The following CD99L2 variants were observed in gnomAD, a reference collection of about 807,000 sequenced individuals.
CD99L2 encodes CD99 molecule like 2.
A neutral mutation model predicts 27.3 loss-of-function variants in CD99L2; 24 were observed. The observed-to-expected ratio is 0.88, with a 90% confidence interval of 0.64 to 1.24. The LOEUF is 1.24. CD99L2 is among the 50% of genes most tolerant of loss of function. CD99L2 has a pLI of 0.00. For synonymous variants in CD99L2, 97 were observed against 87.9 expected (o/e 1.10, Z -0.58); for missense variants, 255 against 221.6 (o/e 1.15, Z -0.96).
At chrX:150,771,463 C>T (rs2043453774) in intron 9 of CD99L2, among the ~76,000 whole-genome samples, 1 of 112,365 alleles carries the variant, frequency 8.9e-6, no homozygotes, top group African/African-American at 3.2e-5. Context: ...CTCGTGATCA[C>T]TGCTAGCTGC....
intron 1 of CD99L2, among the ~76,000 whole-genome samples, chrX:150,892,381 CG>C (rs1299173786): frequency 2.1e-4 from 23 of 107,677 alleles, no homozygotes; most frequent in African/African-American, 7.1e-4. Context: ...CCGAGGCAGG[CG>C]GATCACGAGG....
In CD99L2 at chrX:150,774,714, C is replaced by T. The variant is rs140822678; in HGVS notation, c.655+1460G>A. Reference sequence around the variant, plus strand: ...CCAGGAGGCTGATGCAAAACTTCCCCCGCCGCGCTAAATGCAACTCGACCC... The same window carrying T: ...CCAGGAGGCTGATGCAAAACTTCCCTCGCCGCGCTAAATGCAACTCGACCC... On this transcript the variant is annotated intron_variant, in intron 9 of 10. Coordinates refer to ENST00000370377, the MANE Select transcript of CD99L2 (RefSeq NM_031462.4). Among the ~76,000 whole-genome samples, 1,075 of 112,341 alleles carry T rather than the reference C, an allele frequency of 9.6e-3. 18 individuals are homozygous for T. The highest frequency in any genetic ancestry group is 0.033 in the African/African-American group (1,020 of 30,881).
At chrX:150,883,635 G>A (rs1557422549) in intron 1 of CD99L2, among the ~76,000 whole-genome samples, 1 of 111,150 alleles carries the variant, frequency 9.0e-6, no homozygotes, top group African/African-American at 3.3e-5. Flanking sequence ...TCTGGAAGAA[G>A]GCAAATTTAC....
intron 4 of CD99L2, among the ~76,000 whole-genome samples, chrX:150,812,916 G>A (rs1333137269): frequency 9.0e-6 from 1 of 111,596 alleles, no homozygotes; most frequent in Admixed American, 9.5e-5. Flanking sequence ...ACATGAAAAA[G>A]GCCAATTCCA....
intron 1 of CD99L2, among the ~76,000 whole-genome samples, chrX:150,832,422 G>A (rs2046457815): frequency 9.0e-6 from 1 of 111,667 alleles, no homozygotes; most frequent in Non-Finnish European, 1.9e-5. Flanking sequence ...TCAGGAGTTT[G>A]GTACCAGCCT....
intron 1 of CD99L2, among the ~76,000 whole-genome samples, chrX:150,872,451 A>C (rs1199424347): frequency 1.1e-5 from 1 of 95,199 alleles, no homozygotes; most frequent in East Asian, 3.0e-4. Flanking sequence ...ACCAGAACTG[A>C]GCAACAAAAT....
chrX:150,870,604 A>C (rs2047141751), intron 1 of CD99L2, among the ~76,000 whole-genome samples: 1 of 110,998 alleles, frequency 9.0e-6, no homozygotes. Context: ...TTCATATTCA[A>C]TGTTTTAATG....
At chrX:150,818,149 T>C (rs886472054) in intron 2 of CD99L2, among the ~76,000 whole-genome samples, 2 of 103,630 alleles carry the variant, frequency 1.9e-5, no homozygotes, top group Non-Finnish European at 3.9e-5. Context: ...TTAACAAAAA[T>C]AGTTGGAAAT....
chrX:150,769,320 ATCTCCT>A (rs2043370817), intron 10 of CD99L2, among the ~76,000 whole-genome samples: 3 of 111,987 alleles, frequency 2.7e-5, no homozygotes, highest in Non-Finnish European at 5.6e-5. Context: ...CTCAGCCTCC[ATCTCCT>A]CACCTAAAAA....
intron 10 of CD99L2, among the ~76,000 whole-genome samples, chrX:150,770,045 C>T (rs781834687): frequency 2.0e-4 from 23 of 112,885 alleles, no homozygotes; most frequent in South Asian, 7.2e-4. Flanking sequence ...CTGGCTCGGA[C>T]GGACGAATCA....
intron 1 of CD99L2, among the ~76,000 whole-genome samples, chrX:150,858,616 G>A (rs782641459): frequency 1.5e-4 from 17 of 112,035 alleles, no homozygotes; most frequent in African/African-American, 5.5e-4. Context: ...GGTCAATGAA[G>A]AAGTTAAGAG....
At chrX:150,781,908 CAA>C (rs1394179258) in intron 7 of CD99L2, among the ~76,000 whole-genome samples, 1 of 112,137 alleles carries the variant, frequency 8.9e-6, no homozygotes, top group Non-Finnish European at 1.9e-5. Context: ...ATCTCACAGA[CAA>C]AAGACAATGC....
chrX:150,841,775 A>C (rs921604119), intron 1 of CD99L2, among the ~76,000 whole-genome samples: 5 of 111,671 alleles, frequency 4.5e-5, no homozygotes, highest in Non-Finnish European at 3.8e-5. Context: ...CTGTGGATAA[A>C]ACCATTCAGT....
chrX:150,769,462 G>A (rs1222795507), intron 10 of CD99L2, among the ~76,000 whole-genome samples: 2 of 112,764 alleles, frequency 1.8e-5, no homozygotes, highest in Admixed American at 1.9e-4. Context: ...CAGTGGATGC[G>A]ACAGCGGAAT....
intron 4 of CD99L2, among the ~76,000 whole-genome samples, chrX:150,801,275 G>A (rs2045902057): frequency 1.8e-5 from 2 of 111,614 alleles, no homozygotes; most frequent in African/African-American, 6.5e-5. Context: ...GATACTGCCT[G>A]AGACAGGGTA....
At chrX:150,868,593 C>A (rs782218653) in intron 1 of CD99L2, among the ~76,000 whole-genome samples, 1 of 112,340 alleles carries the variant, frequency 8.9e-6, no homozygotes, top group South Asian at 3.7e-4. Flanking sequence ...TAGACTTATT[C>A]TTCCTATCTA....
At chrX:150,778,685 A>ATATATAT (rs1557419365) in intron 7 of CD99L2, among the ~76,000 whole-genome samples, 52 of 81,508 alleles carry the variant, frequency 6.4e-4, no homozygotes, top group African/African-American at 2.6e-3. Context: ...AAAAAAAAAA[A>ATATATAT]ATATATATAT....
chrX:150,818,904 T>C (rs1023884327), intron 2 of CD99L2: 24 of 374,487 alleles, frequency 6.4e-5, no homozygotes, highest in Admixed American at 1.8e-4. Context: ...ATAAGGGTTC[T>C]TACTTTCCTA....
chrX:150,849,884 C>G (rs2046763864), intron 1 of CD99L2, among the ~76,000 whole-genome samples: 1 of 111,569 alleles, frequency 9.0e-6, no homozygotes, highest in South Asian at 3.8e-4. Flanking sequence ...ATGACAACTT[C>G]AAGGAACATT....
Sources: gnomAD v4.1 joint callset for allele counts (sites outside exome capture counted in the v4.1 genomes callset) on GRCh38, gnomAD v4.1.1 for gene constraint, MANE v1.5 for transcripts, NCBI Gene and HGNC (gene_info 2026-07-23, HGNC 2026-07-21) for gene names.